Variants in ACADSB observed in about 807,000 individuals in gnomAD.
ACADSB encodes short/branched chain specific acyl-CoA dehydrogenase, mitochondrial.
In ACADSB, 40 loss-of-function variants were observed where a neutral mutation model predicts 54.1. The ratio of observed to expected loss-of-function variants is 0.74; its 90% CI spans 0.57 to 0.96. The LOEUF (loss-of-function observed/expected upper bound fraction) is 0.96. Among genes scored for constraint, ACADSB ranks in the 40% least tolerant of loss-of-function variants. The pLI, the probability that ACADSB is intolerant of heterozygous loss-of-function variation, is 0.00. For missense variants in ACADSB, 530 were observed against 510.4 expected (o/e 1.04, Z -0.37); for synonymous variants, 182 against 182.8 (o/e 1.00, Z 0.03).
chr10:123,025,354 C>T (rs989026033), intron 1 of ACADSB, among the ~76,000 whole-genome samples: 1 of 150,514 alleles, frequency 6.6e-6, no homozygotes, highest in Admixed American at 6.6e-5. Flanking sequence ...GTCCCAGCTA[C>T]TTGGAAGGCT....
At chr10:123,048,495 C>T (rs1258223111) in intron 8 of ACADSB, among the ~76,000 whole-genome samples, 1 of 152,012 alleles carries the variant, frequency 6.6e-6, no homozygotes, top group Non-Finnish European at 1.5e-5. Flanking sequence ...AGCCAGCTAC[C>T]ACAAAGATTG....
At chr10:123,023,095 A>G (rs764882883) in intron 1 of ACADSB, among the ~76,000 whole-genome samples, 8 of 152,214 alleles carry the variant, frequency 5.3e-5, no homozygotes, top group Non-Finnish European at 1.0e-4. Flanking sequence ...ATTTTTACCG[A>G]TAACTCAGAA....
chr10:123,015,496 T>C (rs556143063), intron 1 of ACADSB, among the ~76,000 whole-genome samples: 8 of 152,214 alleles, frequency 5.3e-5, no homozygotes, highest in Non-Finnish European at 1.2e-4. Context: ...AAGAGGCCAA[T>C]AGCTTGCCTG....
chr10:123,025,994 C>A (rs1158026203), intron 1 of ACADSB, among the ~76,000 whole-genome samples: 4 of 151,926 alleles, frequency 2.6e-5, no homozygotes, highest in East Asian at 1.9e-4. Flanking sequence ...CCAAGCAGTT[C>A]TTGGGGGGAG....
At chr10:123,053,386 C>T (rs1850658899) in intron 10 of ACADSB, among the ~76,000 whole-genome samples, 1 of 152,060 alleles carries the variant, frequency 6.6e-6, no homozygotes, top group Non-Finnish European at 1.5e-5. Context: ...AATGCCTCAA[C>T]AGGCTTTTTA....
At chr10:123,045,160 TATATATATA>T (rs1190241065) in intron 7 of ACADSB, among the ~76,000 whole-genome samples, 201 of 15,052 alleles carry the variant, frequency 0.013, 3 homozygotes, top group South Asian at 0.025. Context: ...TATATATATA[TATATATATA>T]TATTTTTTTT....
chr10:123,051,047 A>G lies in ACADSB; in HGVS notation c.991-2A>G. ...TCTCTAACTTGGGCCTGACTGTTAC[A>G]GGGCCTCCAACACCAAGTGGCTCAC... On this transcript the variant is annotated splice_acceptor_variant, in intron 8 of 10. Transcript: ENST00000358776. LOFTEE classifies it high-confidence loss of function. 1 of 1,611,908 alleles carries G rather than the reference A, an allele frequency of 6.2e-7. No homozygotes were observed. The highest frequency in any genetic ancestry group is 1.3e-5 in the African/African-American group (1 of 74,966).
intron 1 of ACADSB, among the ~76,000 whole-genome samples, chr10:123,017,379 G>A (rs890226205): frequency 3.3e-5 from 5 of 152,096 alleles, no homozygotes; most frequent in African/African-American, 7.2e-5. Flanking sequence ...AGTGCAATGC[G>A]TGATCTCAGC....
intron 2 of ACADSB, among the ~76,000 whole-genome samples, chr10:123,035,794 A>C (rs1013973321): frequency 6.6e-6 from 1 of 152,174 alleles, no homozygotes; most frequent in African/African-American, 2.4e-5. Context: ...ATTCCTTGCC[A>C]TGTGGCTCCC....
At chr10:123,010,080 ATTGT>A (rs1283923148) in intron 1 of ACADSB, among the ~76,000 whole-genome samples, 5 of 152,246 alleles carry the variant, frequency 3.3e-5, no homozygotes, top group African/African-American at 1.2e-4. Context: ...GTAAGTGATT[ATTGT>A]TTAATACTGT....
chr10:123,027,697 A>G, intron 1 of ACADSB: 2 of 336,780 alleles, frequency 5.9e-6, no homozygotes, highest in African/African-American at 2.2e-5. Context: ...CCTTGTTCCC[A>G]TACAACGGGT....
At chr10:123,014,856 A>G (rs547103008) in intron 1 of ACADSB, among the ~76,000 whole-genome samples, 1 of 152,334 alleles carries the variant, frequency 6.6e-6, no homozygotes, top group South Asian at 2.1e-4. Context: ...GTGTAGAGGT[A>G]GGAATATGCT....
At chr10:123,019,075 G>A (rs533215970) in intron 1 of ACADSB, among the ~76,000 whole-genome samples, 28 of 152,266 alleles carry the variant, frequency 1.8e-4, no homozygotes, top group African/African-American at 5.3e-4. Flanking sequence ...CTCATAAGCC[G>A]TATCAATTCC....
chr10:123,048,380 G>T (rs185276202), intron 8 of ACADSB, among the ~76,000 whole-genome samples: 9 of 152,196 alleles, frequency 5.9e-5, no homozygotes, highest in Non-Finnish European at 1.0e-4. Flanking sequence ...GAAGCACACG[G>T]AGGCTGAGTT....
At chr10:123,042,939 G>A (rs1589742257) in intron 5 of ACADSB, 107 bp from the exon 6 acceptor site, 5 of 1,308,232 alleles carry the variant, frequency 3.8e-6, no homozygotes, top group East Asian at 2.4e-5. Context: ...GAGTCCATTA[G>A]TATTTATTAC....
At chr10:123,016,456 G>A (rs2133456168) in intron 1 of ACADSB, among the ~76,000 whole-genome samples, 1 of 152,362 alleles carries the variant, frequency 6.6e-6, no homozygotes, top group Admixed American at 6.5e-5. Context: ...TGCTGGGATT[G>A]CCCAAGACGC....
intron 5 of ACADSB, among the ~76,000 whole-genome samples, chr10:123,042,457 C>CTT (rs60480402): frequency 0.017 from 2,018 of 115,768 alleles, 65 homozygotes; most frequent in Non-Finnish European, 0.022. Context: ...ATTGTTAAAA[C>CTT]TTTTTTTTTT....
At chr10:123,011,589 C>T (rs1047829262) in intron 1 of ACADSB, among the ~76,000 whole-genome samples, 6 of 146,440 alleles carry the variant, frequency 4.1e-5, no homozygotes, top group East Asian at 2.0e-4. Flanking sequence ...TGCTGTGGTG[C>T]GATCTCAGTT....
At chr10:123,046,826 T>A (rs990910568) in intron 7 of ACADSB, among the ~76,000 whole-genome samples, 11 of 152,236 alleles carry the variant, frequency 7.2e-5, no homozygotes, top group African/African-American at 2.2e-4. Context: ...CCTTCCTCTA[T>A]AGCCTTCAAG....
Sources: allele counts gnomAD v4.1 joint callset (sites outside exome capture counted in the v4.1 genomes callset), GRCh38; gene constraint gnomAD v4.1.1; transcripts MANE v1.5; gene names NCBI Gene and HGNC (gene_info 2026-07-23, HGNC 2026-07-21).